Variants in MRTFA observed in about 807,000 individuals in gnomAD.
MRTFA encodes the protein myocardin related transcription factor A.
A neutral mutation model predicts 83.5 loss-of-function variants in MRTFA; 20 were observed. The observed-to-expected ratio is 0.24, with a 90% CI of 0.17 to 0.35. The LOEUF (loss-of-function observed/expected upper bound fraction) is 0.35, where lower values mean the gene tolerates loss of function less well. MRTFA is among the 10% of genes least tolerant of loss of function. MRTFA has a pLI of 1.00. For synonymous variants in MRTFA, 659 were observed against 541.2 expected (o/e 1.22, Z -3.02); for missense variants, 1,200 against 1,224.7 (o/e 0.98, Z 0.30).
intron 2 of MRTFA, among the ~76,000 whole-genome samples, chr22:40,562,333 T>G (rs1055414280): frequency 1.3e-5 from 2 of 151,662 alleles, no homozygotes; most frequent in Non-Finnish European, 2.9e-5. Flanking sequence ...AAAGCCATCC[T>G]GGACACCCCA....
At chr22:40,577,544 T>C (rs2055884842) in intron 2 of MRTFA, among the ~76,000 whole-genome samples, 1 of 152,046 alleles carries the variant, frequency 6.6e-6, no homozygotes, top group Non-Finnish European at 1.5e-5. Flanking sequence ...CTGACATGCC[T>C]TCACAAGGTA....
intron 2 of MRTFA, among the ~76,000 whole-genome samples, chr22:40,559,986 C>T (rs920264052): frequency 6.6e-6 from 1 of 152,184 alleles, no homozygotes; most frequent in African/African-American, 2.4e-5. Flanking sequence ...CATACACACA[C>T]ACACACTTTA....
At chr22:40,472,624 T>G (rs761508926) in intron 3 of MRTFA, among the ~76,000 whole-genome samples, 2 of 152,236 alleles carry the variant, frequency 1.3e-5, no homozygotes, top group Non-Finnish European at 2.9e-5. Flanking sequence ...TAATAAACAA[T>G]CATGTGAACA....
intron 5 of MRTFA, among the ~76,000 whole-genome samples, chr22:40,435,087 G>A (rs1175686449): frequency 6.6e-6 from 1 of 152,172 alleles, no homozygotes; most frequent in Non-Finnish European, 1.5e-5. Context: ...TGTGAGGTGT[G>A]GCCAGTGTAA....
intron 3 of MRTFA, among the ~76,000 whole-genome samples, chr22:40,489,706 T>C (rs74278065): frequency 0.082 from 12,435 of 152,140 alleles, 789 homozygotes; most frequent in East Asian, 0.24. Context: ...TAGCCGGGCA[T>C]GGTGGCTCAC....
chr22:40,502,103 G>A (rs1183025724), intron 3 of MRTFA, among the ~76,000 whole-genome samples: 11 of 136,166 alleles, frequency 8.1e-5, no homozygotes, highest in African/African-American at 2.1e-4. Flanking sequence ...CAGTAGGGGC[G>A]GCCGGGCAGA....
chr22:40,425,134 G>A (rs1039725969), intron 7 of MRTFA, among the ~76,000 whole-genome samples: 5 of 152,232 alleles, frequency 3.3e-5, no homozygotes, highest in African/African-American at 7.2e-5. Flanking sequence ...CTGGATGACT[G>A]TGAATGCAAG....
intron 4 of MRTFA, among the ~76,000 whole-genome samples, chr22:40,452,978 T>C (rs2053522916): frequency 1.3e-5 from 2 of 152,142 alleles, no homozygotes; most frequent in Admixed American, 1.3e-4. Flanking sequence ...AAGGAGGTTC[T>C]ATGCTAGTCA....
chr22:40,539,001 T>G (rs1004282100), intron 3 of MRTFA, among the ~76,000 whole-genome samples: 19 of 145,350 alleles, frequency 1.3e-4, no homozygotes, highest in Admixed American at 4.8e-4. Flanking sequence ...TTTTTTTTTT[T>G]TTTTTTTTTT....
In MRTFA at chr22:40,424,376, G is replaced by A; in HGVS notation, c.607C>T (p.Gln203Ter). Reference sequence around the variant, plus strand: ...TCTGCTACTTTGGGATAGTTCACCTGGCCCACTGAAACCCAAAGCTGGTGT... The same window carrying A: ...TCTGCTACTTTGGGATAGTTCACCTAGCCCACTGAAACCCAAAGCTGGTGT... The change falls in exon 8 of 15, where the codon CAG becomes TAG. Residue 203 changes from glutamine (Q) to a stop codon, truncating the protein, a stop_gained. Coordinates refer to ENST00000355630, the MANE Select transcript of MRTFA (RefSeq NM_020831.6). LOFTEE classifies it high-confidence loss of function. 6.2e-7 allele frequency: 1 copy of A among 1,613,050 alleles called. No homozygotes were observed.
chr22:40,597,616 G>C (rs1302666143), intron 1 of MRTFA, among the ~76,000 whole-genome samples: 1 of 152,172 alleles, frequency 6.6e-6, no homozygotes, highest in African/African-American at 2.4e-5. Flanking sequence ...CTTTCCATAT[G>C]GTAGGAGTTT....
chr22:40,506,311 C>A (rs1201759384), intron 3 of MRTFA, among the ~76,000 whole-genome samples: 1 of 152,074 alleles, frequency 6.6e-6, no homozygotes, highest in Non-Finnish European at 1.5e-5. Context: ...AAAATATAAT[C>A]CCTTCTTGAA....
chr22:40,465,378 G>C (rs1351969675), intron 3 of MRTFA, among the ~76,000 whole-genome samples: 1 of 152,140 alleles, frequency 6.6e-6, no homozygotes, highest in African/African-American at 2.4e-5. Flanking sequence ...ACTGAACCAA[G>C]AGGCTATTAT....
At chr22:40,595,406 C>T (rs2147385231) in intron 1 of MRTFA, among the ~76,000 whole-genome samples, 1 of 152,086 alleles carries the variant, frequency 6.6e-6, no homozygotes, top group South Asian at 2.1e-4. Flanking sequence ...CAGGTGTGAG[C>T]CACCGCGCCC....
chr22:40,423,540 A>G lies in MRTFA; in HGVS notation c.923T>C (p.Ile308Thr). The G allele has an allele frequency of 1.3e-6, 2 of 1,521,018 alleles. No homozygotes were observed. The highest frequency in any genetic ancestry group is 1.8e-6 in the Non-Finnish European group (2 of 1,129,222). 94.2% of individuals were successfully genotyped at this position (1,521,018 alleles called of 1,614,324 possible). Residue 308 changes from isoleucine (I) to threonine (T), a missense_variant, in exon 9 of 15, where the codon ATT becomes ACT. This residue lies in a region of MRTFA where 1,107 missense variants were observed against 1,041.8 expected (regional missense o/e 1.06). Transcript: ENST00000355630. The stretch of plus-strand genomic sequence containing the variant: ...CAATCACTGGCAGAAATGTACCTTA[A>G]TGAGTGTGGGGGTGGACTTGGCAGT...
intron 2 of MRTFA, chr22:40,587,351 A>G: frequency 2.4e-6 from 1 of 420,078 alleles, no homozygotes; most frequent in African/African-American, 2.1e-5. Flanking sequence ...AATGTTTCGG[A>G]AGGCTTTGAC....
chr22:40,453,565 T>A (rs1421377105), intron 4 of MRTFA, among the ~76,000 whole-genome samples: 1 of 152,086 alleles, frequency 6.6e-6, no homozygotes, highest in Non-Finnish European at 1.5e-5. Flanking sequence ...CTAGAGCGTA[T>A]GAGAGATGAT....
At chr22:40,601,471 A>G (rs2056258097) in intron 1 of MRTFA, among the ~76,000 whole-genome samples, 1 of 152,168 alleles carries the variant, frequency 6.6e-6, no homozygotes, top group African/African-American at 2.4e-5. Flanking sequence ...GACCTCCTAA[A>G]GTGCTGGGAT....
At chr22:40,569,566 A>C (rs2055754981) in intron 2 of MRTFA, 1 of 152,584 alleles carries the variant, frequency 6.6e-6, no homozygotes, top group Non-Finnish European at 1.5e-5. Flanking sequence ...TCTACTAAAA[A>C]TACAAAAATT....
Sources: allele counts gnomAD v4.1 joint callset (sites outside exome capture counted in the v4.1 genomes callset), GRCh38; gene constraint gnomAD v4.1.1; regional missense constraint gnomAD v4.1.1; transcripts MANE v1.5; gene names NCBI Gene and HGNC (gene_info 2026-07-23, HGNC 2026-07-21).